Variants in BRSK2 observed in about 807,000 individuals in gnomAD.
BRSK2 encodes serine/threonine-protein kinase BRSK2.
A neutral mutation model predicts 83.3 loss-of-function variants in BRSK2; 19 were observed. That is an observed-to-expected ratio of 0.23 (90% confidence interval 0.16 to 0.33). The LOEUF is 0.33. Ranked by LOEUF, BRSK2 falls within the 10% of genes least tolerant of loss-of-function variation. The pLI, the probability that BRSK2 is intolerant of heterozygous loss-of-function variation, is 1.00. For missense variants in BRSK2, 798 were observed against 1,042.3 expected (o/e 0.77, Z 3.23); for synonymous variants, 519 against 435.4 (o/e 1.19, Z -2.39).
intron 1 of BRSK2, among the ~76,000 whole-genome samples, chr11:1,427,107 G>A (rs12576439): frequency 0.026 from 3,900 of 152,226 alleles, 115 homozygotes; most frequent in African/African-American, 0.075. Context: ...TTGGCTCCTG[G>A]ACCTGCAGCC....
At chr11:1,402,469 G>A (rs1369792608) in intron 1 of BRSK2, among the ~76,000 whole-genome samples, 1 of 152,210 alleles carries the variant, frequency 6.6e-6, no homozygotes, top group Non-Finnish European at 1.5e-5. Context: ...CCTGAGCCCC[G>A]CCTCCGGGGA....
chr11:1,445,548 C>T (rs1035260445), intron 10 of BRSK2, 23 bp from the exon 11 acceptor site: 10 of 1,589,062 alleles, frequency 6.3e-6, no homozygotes, highest in Non-Finnish European at 6.8e-6. Flanking sequence ...GCCAGCGCGT[C>T]TCGCGCCTCT....
Position 1,454,194 on chromosome 11 carries a change from G to GCTCACCTGT in BRSK2, c.1545-291_1545-290insCTCACCTGT. On this transcript the variant is annotated intron_variant, in intron 15 of 19. Transcript: ENST00000528841. This position sits in a 1 kb window ranked among gnomAD's most constrained non-coding sequence, Gnocchi z 5.2. ...CCTGTGGGGGGCTCACCTGTGGAGG[G>GCTCACCTGT]GCATCCCCAGACTTGGGAGTGGGTG... is the stretch of plus-strand genomic sequence containing the variant. The GCTCACCTGT allele has an allele frequency of 2.6e-5, 8 of 303,250 alleles. No individual in the cohort carries two copies. Among genetic ancestry groups the GCTCACCTGT allele is most frequent in the East Asian group, 1.5e-4 (2 of 13,712 alleles). The allele number at this position is 303,250 out of a possible 1,614,324, so 18.8% of individuals were successfully genotyped here.
intron 1 of BRSK2, among the ~76,000 whole-genome samples, chr11:1,427,912 A>AT (rs1211443790): frequency 6.6e-6 from 1 of 152,168 alleles, no homozygotes; most frequent in African/African-American, 2.4e-5. Flanking sequence ...TAACCCAAAC[A>AT]TTCTGCTCAG....
Position 1,460,680 on chromosome 11 carries a change from C to CG in BRSK2, c.2170dup (p.Ala724GlyfsTer103). The CG allele has an allele frequency of 2.0e-6, 3 of 1,520,770 alleles. No homozygotes were observed. 94.2% of individuals were successfully genotyped at this position (1,520,770 alleles called of 1,614,324 possible). A position where few individuals can be genotyped will look rare whatever the true frequency, so the allele number is the denominator to read the frequency against. On this transcript the variant is annotated frameshift_variant, in exon 20 of 20. Transcript: ENST00000528841. LOFTEE classifies it high-confidence loss of function. ...GCCGAGTACCCAACGGGCAAGGACA[C>CG]GGCCAAGATGGGCCCGCCCACCGCC...
chr11:1,441,005 C>A (rs1374100051), intron 4 of BRSK2, 77 bp downstream of exon 4: 43 of 1,308,642 alleles, frequency 3.3e-5, no homozygotes, highest in Non-Finnish European at 4.2e-5. Flanking sequence ...GCCCCCTGTG[C>A]CCCAAGGACT....
intron 1 of BRSK2, among the ~76,000 whole-genome samples, chr11:1,402,278 C>T (rs1168799033): frequency 6.6e-6 from 1 of 152,190 alleles, no homozygotes; most frequent in Non-Finnish European, 1.5e-5. Context: ...CCCTGGAGCG[C>T]ACTCCTGGGA....
In BRSK2 at chr11:1,454,218, T is replaced by C; in HGVS notation, c.1545-267T>C. 1 of 319,654 alleles carries C rather than the reference T, an allele frequency of 3.1e-6. No individual in the cohort carries two copies. Among genetic ancestry groups the C allele is most frequent in the Non-Finnish European group, 5.9e-6 (1 of 168,824 alleles). 19.8% of individuals were successfully genotyped at this position (319,654 alleles called of 1,614,324 possible). A position where few individuals can be genotyped will look rare whatever the true frequency, so the allele number is the denominator to read the frequency against. On this transcript the variant is annotated intron_variant, in intron 15 of 19. Transcript: ENST00000528841. The surrounding 1 kb of genome is among the most constrained non-coding windows in gnomAD (Gnocchi z 5.2). ...GGGCATCCCCAGACTTGGGAGTGGGTGGCATATGGGCCAGGGTCAGGGCGT... is the reference window on the plus strand; with the variant it reads ...GGGCATCCCCAGACTTGGGAGTGGGCGGCATATGGGCCAGGGTCAGGGCGT...
chr11:1,449,556 C>T (rs1845548920), intron 12 of BRSK2, among the ~76,000 whole-genome samples: 1 of 152,142 alleles, frequency 6.6e-6, no homozygotes, highest in Non-Finnish European at 1.5e-5. Flanking sequence ...TGGGGTGGCC[C>T]CCACACGTGG....
chr11:1,443,029 T>G (rs1851567958), intron 5 of BRSK2, 77 bp from the exon 6 acceptor site: 1 of 1,472,916 alleles, frequency 6.8e-7, no homozygotes, highest in African/African-American at 1.4e-5. Context: ...TTGAGGGCCC[T>G]GCGGTGCACC....
In BRSK2 at chr11:1,426,176, GCCATC is replaced by G. The variant is rs1391064169; in HGVS notation, c.92-9863_92-9859del. Among the ~76,000 whole-genome samples the G allele has an allele frequency of 2.0e-5, 3 of 152,216 alleles. No homozygotes were observed. The East Asian group carries it at 5.8e-4, about 29-fold the overall frequency. On this transcript the variant is annotated intron_variant, in intron 1 of 19. Transcript: ENST00000528841. ...TGCATGGGACGGGCAGGGCCACGTGGCCATCAGGGCCTGGATGGGGGCCTGGCACA... is the reference window on the plus strand; with the variant it reads ...TGCATGGGACGGGCAGGGCCACGTGGAGGGCCTGGATGGGGGCCTGGCACA...
chr11:1,405,748 GGA>G (rs1252697576), intron 1 of BRSK2, among the ~76,000 whole-genome samples: 1 of 152,124 alleles, frequency 6.6e-6, no homozygotes, highest in Non-Finnish European at 1.5e-5. Flanking sequence ...GCCGAGGTGG[GGA>G]GGTCCGTCCT....
chr11:1,447,928 G>T, intron 12 of BRSK2: 2 of 1,467,492 alleles, frequency 1.4e-6, no homozygotes, highest in Non-Finnish European at 9.3e-7. Context: ...GCCTCAGGCC[G>T]GGCAGGCACA....
rs1264432926 is a variant in BRSK2, at chr11:1,440,851, G to A, written c.336G>A (p.Arg112=). 1.1e-5 allele frequency: 17 copies of A among 1,605,274 alleles called. No homozygotes were observed. Among genetic ancestry groups the A allele is most frequent in the Non-Finnish European group, 1.4e-5 (16 of 1,176,036 alleles). The change falls in exon 4 of 20, where the codon AGG becomes AGA. Residue 112 remains arginine, a synonymous_variant. Coordinates refer to ENST00000528841, the MANE Select transcript of BRSK2 (RefSeq NM_001256627.2). ...ELFDYLVKKG[R]LTPKEARKFF... ...TCGACTACCTGGTGAAGAAGGGGAG[G>A]CTGACGCCTAAGGAGGCTCGGAAGT...
In BRSK2 at chr11:1,445,372, C is replaced by T; in HGVS notation, c.891C>T (p.Asp297=). The T allele has an allele frequency of 3.1e-6, 5 of 1,611,938 alleles. No individual in the cohort carries two copies. Among genetic ancestry groups the T allele is most frequent in the Non-Finnish European group, 4.2e-6 (5 of 1,179,608 alleles). Residue 297 remains aspartate (D), a synonymous_variant, in exon 10 of 20, where the codon GAC becomes GAT. Transcript: ENST00000528841. ...TCCGCTCGCTGCCCAGCCTGGAGGA[C>T]ATCGACCCCGACGTGCTGGACAGCA... ...VQIRSLPSLE[D]IDPDVLDSMH...
At chr11:1,451,482 G>A in intron 15 of BRSK2, 63 bp downstream of exon 15, 6 of 1,557,942 alleles carry the variant, frequency 3.9e-6, no homozygotes, top group Non-Finnish European at 5.3e-6. Flanking sequence ...AGAGGGGCAT[G>A]GAACCCTTCC....
intron 2 of BRSK2, among the ~76,000 whole-genome samples, chr11:1,437,225 C>G (rs937627503): frequency 3.3e-5 from 5 of 152,152 alleles, no homozygotes; most frequent in Non-Finnish European, 7.4e-5. Context: ...GGGGAGGTGT[C>G]CCTGTCACCT....
intron 13 of BRSK2, among the ~76,000 whole-genome samples, 183 bp downstream of exon 13, chr11:1,450,019 TTTTGTTTTGTTTTG>T (rs2133185350): frequency 6.6e-6 from 1 of 151,910 alleles, no homozygotes; most frequent in Non-Finnish European, 1.5e-5. Flanking sequence ...CTGCACGCTC[TTTTGTTTTGTTTTG>T]TTTGTTTTCT....
At chr11:1,424,071 T>C (rs535764770) in intron 1 of BRSK2, among the ~76,000 whole-genome samples, 2 of 152,044 alleles carry the variant, frequency 1.3e-5, no homozygotes, top group East Asian at 3.9e-4. Context: ...CCAAGTCGGG[T>C]CACATTCATG....
Sources: allele counts gnomAD v4.1 joint callset (sites outside exome capture counted in the v4.1 genomes callset), GRCh38; gene constraint gnomAD v4.1.1; non-coding constraint Gnocchi (gnomAD v3.1); transcripts MANE v1.5; gene names NCBI Gene and HGNC (gene_info 2026-07-23, HGNC 2026-07-21).